The following CEP164 variants were observed in gnomAD, a reference collection of about 807,000 sequenced individuals.
The protein encoded by CEP164 is centrosomal protein 164.
In CEP164, 162 loss-of-function variants were observed where a neutral mutation model predicts 182.7. The observed-to-expected ratio is 0.89, with a 90% CI of 0.78 to 1.01. The LOEUF is 1.01. CEP164 is among the 50% of genes least tolerant of loss of function. The pLI is 0.00. For synonymous variants in CEP164, 661 were observed against 690.0 expected, an observed-to-expected ratio of 0.96 and a Z score of 0.66; for missense variants, 1,735 against 1,790.4, an observed-to-expected ratio of 0.97 and a Z score of 0.56.
chr11:117,325,576 G>A (rs1200072275), upstream of CEP164, among the ~76,000 whole-genome samples: 7 of 151,674 alleles, frequency 4.6e-5, no homozygotes, highest in South Asian at 1.5e-3. Context: ...AGTGGAGATG[G>A]GGTTTCACCA....
chr11:117,379,132 C>A (rs1200258495), intron 11 of CEP164, among the ~76,000 whole-genome samples: 1 of 152,196 alleles, frequency 6.6e-6, no homozygotes, highest in Non-Finnish European at 1.5e-5. Context: ...GCGTGCCCTG[C>A]CATTGTCTGC....
At chr11:117,352,905 G>C (rs759541970) in intron 5 of CEP164, among the ~76,000 whole-genome samples, 8 of 152,226 alleles carry the variant, frequency 5.3e-5, no homozygotes, top group Admixed American at 1.3e-4. Context: ...TTGGTTATAA[G>C]TAGCTTTTGT....
At chr11:117,400,698 T>A (rs541256119) in intron 27 of CEP164, among the ~76,000 whole-genome samples, 2 of 152,212 alleles carry the variant, frequency 1.3e-5, no homozygotes, top group Non-Finnish European at 2.9e-5. Context: ...AAGAGGTCCT[T>A]CACATCCCTT....
rs2042158761 is a variant in CEP164, at chr11:117,371,115, G to T, written c.801G>T (p.Lys267Asn). ...GAACAAGCCAGCCAGAGGAGAAGAA[G>T]GATGTTTCTCTGGATTCAGATGCTG... The part of the protein sequence containing the change: ...SLRTSQPEEK[K>N]DVSLDSDAAG... The change falls in exon 9 of 33, where the codon AAG becomes AAT. Residue 267 changes from lysine (K) to asparagine (N), a missense_variant. Transcript: ENST00000278935. 3 of 1,609,260 alleles carry T rather than the reference G, an allele frequency of 1.9e-6. No homozygotes were observed. Among genetic ancestry groups the T allele is most frequent in the Non-Finnish European group, 2.5e-6 (3 of 1,177,166 alleles).
upstream of CEP164, among the ~76,000 whole-genome samples, chr11:117,327,335 C>T (rs2035511134): frequency 6.6e-6 from 1 of 152,092 alleles, no homozygotes; most frequent in Non-Finnish European, 1.5e-5. Context: ...TATTATTCAC[C>T]TGATGTTAAT....
chr11:117,394,911 T>G lies in CEP164; in HGVS notation c.2761-9T>G. The G allele has an allele frequency of 1.2e-6, 2 of 1,613,914 alleles. No homozygotes were observed. Among genetic ancestry groups the G allele is most frequent in the Non-Finnish European group, 1.7e-6 (2 of 1,179,882 alleles). ...CTTTCTATGCTTATGTGTTTCCCTT[T>G]CTGGGCAGGAAAGGAAGCTCCAGGA... On this transcript the variant is annotated splice_polypyrimidine_tract_variant and intron_variant, in intron 21 of 32. Coordinates refer to ENST00000278935, the MANE Select transcript of CEP164 (RefSeq NM_014956.5). This position sits in a 1 kb window ranked among gnomAD's most constrained non-coding sequence, Gnocchi z 4.0.
intron 15 of CEP164, among the ~76,000 whole-genome samples, chr11:117,390,386 A>G (rs2136308908): frequency 6.6e-6 from 1 of 152,120 alleles, no homozygotes; most frequent in South Asian, 2.1e-4. Context: ...AGTGGCTCAC[A>G]CCTGTAATCT....
chr11:117,392,910 T>TG, intron 19 of CEP164, 94 bp from the exon 20 acceptor site: 1 of 1,564,090 alleles, frequency 6.4e-7, no homozygotes. Flanking sequence ...TGGGGGAGAT[T>TG]GGGGAAATGT....
chr11:117,342,172 C>G (rs1248732840), intron 3 of CEP164, among the ~76,000 whole-genome samples: 2 of 152,016 alleles, frequency 1.3e-5, no homozygotes, highest in East Asian at 3.8e-4. Flanking sequence ...TAGTTTTTTT[C>G]TTACTCATGG....
intron 11 of CEP164, among the ~76,000 whole-genome samples, chr11:117,378,929 C>A (rs907090467): frequency 2.6e-5 from 4 of 152,150 alleles, no homozygotes; most frequent in Non-Finnish European, 5.9e-5. Flanking sequence ...TGACTCAGGG[C>A]TCAGTCCCCC....
chr11:117,325,802 C>G (rs947401661), upstream of CEP164, among the ~76,000 whole-genome samples: 2 of 150,806 alleles, frequency 1.3e-5, no homozygotes, highest in Admixed American at 1.3e-4. Flanking sequence ...ATGATGACGT[C>G]AATCTAAATA....
rs778517927 is a variant in CEP164 at position 117,409,987 on chromosome 11, G to A, written c.4096+22G>A. Reference sequence around the variant, plus strand: ...CCATGTAAGCCCCACTCTGGGCGGAGCCTTCCCACCTGCCTCCTCCTCCTC... The same window carrying A: ...CCATGTAAGCCCCACTCTGGGCGGAACCTTCCCACCTGCCTCCTCCTCCTC... On this transcript the variant is annotated intron_variant, in intron 30 of 32. Transcript: ENST00000278935. The surrounding 1 kb of genome is among the most constrained non-coding windows in gnomAD (Gnocchi z 4.4). 4.4e-6 allele frequency: 7 copies of A among 1,607,164 alleles called. No individual in the cohort carries two copies. The Admixed American group carries it at 1.2e-4, about 27-fold the overall frequency.
At chr11:117,390,123 A>T (rs1022610483) in intron 15 of CEP164, among the ~76,000 whole-genome samples, 8 of 151,012 alleles carry the variant, frequency 5.3e-5, no homozygotes, top group Admixed American at 4.6e-4. Context: ...TTGTATTTTT[A>T]GTAGAGACGG....
intron 27 of CEP164, among the ~76,000 whole-genome samples, chr11:117,406,314 C>T (rs981854681): frequency 6.6e-6 from 1 of 152,126 alleles, no homozygotes; most frequent in Admixed American, 6.5e-5. Context: ...CTGATAAGCC[C>T]ATCAGATCTC....
chr11:117,334,715 A>G (rs1416770249), intron 1 of CEP164, among the ~76,000 whole-genome samples: 1 of 151,288 alleles, frequency 6.6e-6, no homozygotes, highest in Non-Finnish European at 1.5e-5. Context: ...AACCTGGGAG[A>G]CAGAGGTTGC....
At chr11:117,403,799 C>G (rs181259499) in intron 27 of CEP164, among the ~76,000 whole-genome samples, 1 of 152,242 alleles carries the variant, frequency 6.6e-6, no homozygotes, top group South Asian at 2.1e-4. Context: ...ACCAATCAAA[C>G]GTAGATTTGG....
Position 117,395,622 on chromosome 11 carries a change from C to T in CEP164, c.2989C>T (p.Leu997Phe), listed in dbSNP as rs1354956284. Residue 997 changes from leucine (L) to phenylalanine (F), a missense_variant, in exon 24 of 33, where the codon CTC (leucine) becomes TTC (phenylalanine). Coordinates refer to ENST00000278935, the MANE Select transcript of CEP164 (RefSeq NM_014956.5). Reference sequence around the variant, plus strand: ...CCACCTGTTGCAGTCAAACCAGCAGCTCCGAGAAATTCTTGATGAGCTGCA... The same window carrying T: ...CCACCTGTTGCAGTCAAACCAGCAGTTCCGAGAAATTCTTGATGAGCTGCA... ...HTHLLQSNQQ[L>F]REILDELQAR... 1 of 1,614,010 alleles carries T rather than the reference C, an allele frequency of 6.2e-7. No individual in the cohort carries two copies. Among genetic ancestry groups the T allele is most frequent in the East Asian group, 2.2e-5 (1 of 44,872 alleles).
At chr11:117,396,743 G>A in intron 26 of CEP164, 132 bp downstream of exon 26, 2 of 772,526 alleles carry the variant, frequency 2.6e-6, no homozygotes, top group Non-Finnish European at 4.5e-6. Flanking sequence ...TCATGGGGAA[G>A]GCTCCGGAGG....
chr11:117,377,861 C>CT (rs2042916952), intron 11 of CEP164, among the ~76,000 whole-genome samples: 1 of 151,718 alleles, frequency 6.6e-6, no homozygotes, highest in Non-Finnish European at 1.5e-5. Flanking sequence ...TCTTTCTTTT[C>CT]TTTTCTTTCT....
Sources: allele counts gnomAD v4.1 joint callset (sites outside exome capture counted in the v4.1 genomes callset), GRCh38; gene constraint gnomAD v4.1.1; non-coding constraint Gnocchi (gnomAD v3.1); transcripts MANE v1.5; gene names NCBI Gene and HGNC (gene_info 2026-07-23, HGNC 2026-07-21).